The following PIGS variants were observed in gnomAD, a reference collection of about 807,000 sequenced individuals.
The protein encoded by PIGS is GPI-anchor transamidase component PIGS.
A neutral mutation model predicts 58.2 loss-of-function variants in PIGS; 37 were observed. That is an observed-to-expected ratio of 0.64 (90% CI 0.49 to 0.84). The LOEUF (loss-of-function observed/expected upper bound fraction) is 0.84. PIGS is among the 40% of genes least tolerant of loss of function. PIGS has a pLI of 0.00. For synonymous variants in PIGS, 269 were observed against 289.2 expected (o/e 0.93, Z 0.71); for missense variants, 629 against 710.8 (o/e 0.88, Z 1.31).
rs1337184748 is a variant in PIGS, at chr17:28,563,539, G to C, written c.377-17C>G. ...CTTCTGCCTCTGGGGGCAAGAACAG[G>C]TGGTACACCAAGAGCAAAACACCAT... On this transcript the variant is annotated splice_polypyrimidine_tract_variant and intron_variant, in intron 4 of 11. Transcript: ENST00000308360. 1 of 1,609,376 alleles carries C rather than the reference G, an allele frequency of 6.2e-7. No individual in the cohort carries two copies. Among genetic ancestry groups the C allele is most frequent in the African/African-American group, 1.3e-5 (1 of 74,772 alleles).
chr17:28,559,931 C>T (rs1448732994), intron 7 of PIGS, 118 bp downstream of exon 7: 6 of 1,333,016 alleles, frequency 4.5e-6, no homozygotes, highest in East Asian at 2.4e-5. Context: ...CACTCACATA[C>T]ATATACACAC....
rs1160132960 is a variant in PIGS, at chr17:28,571,443, C to G, written c.34+20G>C. 1 of 1,609,462 alleles carries G rather than the reference C, an allele frequency of 6.2e-7. No individual in the cohort carries two copies. Among genetic ancestry groups the G allele is most frequent in the Non-Finnish European group, 8.5e-7 (1 of 1,178,154 alleles). On this transcript the variant is annotated intron_variant, in intron 1 of 11. Transcript: ENST00000308360. ...TTGCCATCAGCTAGCTGCAGGCCCC[C>G]CACCCGAAGCCCACCGCACCTAGGT...
intron 8 of PIGS, 34 bp from the exon 9 acceptor site, chr17:28,557,006 A>G: frequency 2.5e-6 from 4 of 1,612,900 alleles, no homozygotes; most frequent in Non-Finnish European, 3.4e-6. Flanking sequence ...ATATCAAAAC[A>G]TGCTGGACCT....
intron 3 of PIGS, 142 bp downstream of exon 3, chr17:28,570,709 TC>T: frequency 2.6e-6 from 2 of 762,436 alleles, no homozygotes; most frequent in Non-Finnish European, 4.3e-6. Context: ...GTAGTTTTTT[TC>T]TGACCAAACA....
chr17:28,556,003 TCCTTCTTA>T, intron 10 of PIGS, 155 bp downstream of exon 10: 1 of 627,366 alleles, frequency 1.6e-6, no homozygotes, highest in Non-Finnish European at 2.8e-6. Context: ...CACCTACTAG[TCCTTCTTA>T]GAAGGATGAT....
intron 10 of PIGS, 105 bp from the exon 11 acceptor site, chr17:28,555,166 AC>A: frequency 8.6e-7 from 1 of 1,164,224 alleles, no homozygotes; most frequent in Non-Finnish European, 1.2e-6. Flanking sequence ...TTTCAATCTT[AC>A]CCAGAACCAT....
At chr17:28,563,327 G>T in intron 5 of PIGS, 104 bp downstream of exon 5, 4 of 1,039,202 alleles carry the variant, frequency 3.8e-6, no homozygotes, top group Non-Finnish European at 4.4e-6. Flanking sequence ...AGAGTTTTCT[G>T]TAGCAAATGG....
In PIGS at chr17:28,554,383, A is replaced by G. The variant is rs747670359; in HGVS notation, c.1505T>C (p.Phe502Ser). The change falls in exon 12 of 12, where the codon TTC (phenylalanine) becomes TCC (serine). Residue 502 changes from phenylalanine to serine, a missense_variant. Coordinates refer to ENST00000308360, the MANE Select transcript of PIGS (RefSeq NM_033198.4). Reference sequence around the variant, plus strand: ...GAGGTGGAGGAGTGACGGGTCAAAGAAGGCAAGCTCAGAGGATGTCACAGC... The same window carrying G: ...GAGGTGGAGGAGTGACGGGTCAAAGGAGGCAAGCTCAGAGGATGTCACAGC... ...QEAVTSSELA[F>S]FDPSLLHLLY... 1 of 1,614,208 alleles carries G rather than the reference A, an allele frequency of 6.2e-7. No individual in the cohort carries two copies. Among genetic ancestry groups the G allele is most frequent in the Non-Finnish European group, 8.5e-7 (1 of 1,180,038 alleles).
intron 5 of PIGS, among the ~76,000 whole-genome samples, chr17:28,562,397 C>T (rs1423254697): frequency 6.6e-6 from 1 of 152,132 alleles, no homozygotes; most frequent in African/African-American, 2.4e-5. Flanking sequence ...CGTTCATTAA[C>T]ATTTTCTTTA....
chr17:28,556,773 C>T, intron 9 of PIGS, 54 bp downstream of exon 9: 1 of 1,574,930 alleles, frequency 6.3e-7, no homozygotes, highest in Non-Finnish European at 8.6e-7. Flanking sequence ...GTTTCAGGGA[C>T]ACCTGCCTGT....
chr17:28,559,977 T>C, intron 7 of PIGS, 72 bp downstream of exon 7: 1 of 1,506,506 alleles, frequency 6.6e-7, no homozygotes, highest in Non-Finnish European at 8.9e-7. Flanking sequence ...CTCTAAGAGA[T>C]GGAGGAACAG....
chr17:28,555,708 C>T (rs377358446), intron 10 of PIGS: 6 of 171,712 alleles, frequency 3.5e-5, no homozygotes, highest in East Asian at 3.5e-4. Flanking sequence ...CAGTGGCTCA[C>T]GCCTGTAATC....
At chr17:28,569,016 G>A (rs1435914231) in intron 3 of PIGS, among the ~76,000 whole-genome samples, 1 of 150,064 alleles carries the variant, frequency 6.7e-6, no homozygotes, top group Admixed American at 6.7e-5. Context: ...AGAATCGTTT[G>A]AACCCAGGAG....
rs759367119 is a variant in PIGS at position 28,571,507 on chromosome 17, G to A, written c.-11C>T. The A allele has an allele frequency of 2.8e-5, 45 of 1,601,670 alleles. No individual in the cohort carries two copies. In the Admixed American group the frequency reaches 3.6e-4, roughly 13 times the overall value. On this transcript the variant is annotated 5_prime_UTR_variant, in exon 1 of 12. Coordinates refer to ENST00000308360, the MANE Select transcript of PIGS (RefSeq NM_033198.4). ...CCCGGCGGCCGCCATGCTAGCTTCC[G>A]GCTGCTCCGGCCACCGTGGGGGCAG... is the stretch of plus-strand genomic sequence containing the variant.
chr17:28,554,506 G>A lies in PIGS; in HGVS notation c.1393-11C>T. On this transcript the variant is annotated splice_polypyrimidine_tract_variant and intron_variant, in intron 11 of 11. Coordinates refer to ENST00000308360, the MANE Select transcript of PIGS (RefSeq NM_033198.4). ...TACAGCCTTGTACACCTAGGAAGGA[G>A]AAGGGACAAGAGGGTATACCAGTAA... The A allele has an allele frequency of 6.2e-7, 1 of 1,612,852 alleles. No homozygotes were observed. Among genetic ancestry groups the A allele is most frequent in the Admixed American group, 1.7e-5 (1 of 59,986 alleles).
intron 6 of PIGS, 76 bp from the exon 7 acceptor site, chr17:28,560,267 G>A: frequency 6.6e-7 from 1 of 1,504,192 alleles, no homozygotes; most frequent in Admixed American, 2.1e-5. Context: ...TCCCAGCTGA[G>A]CTGAACTTGT....
intron 6 of PIGS, among the ~76,000 whole-genome samples, chr17:28,560,834 T>C (rs532193756): frequency 9.9e-5 from 15 of 152,016 alleles, no homozygotes; most frequent in Non-Finnish European, 1.8e-4. Context: ...GGCATGCACC[T>C]GTAATCCTAC....
At chr17:28,559,197 G>A (rs2070348127) in intron 7 of PIGS, among the ~76,000 whole-genome samples, 1 of 151,688 alleles carries the variant, frequency 6.6e-6, no homozygotes, top group African/African-American at 2.4e-5. Flanking sequence ...GGATGGTCTT[G>A]ATCTCCTAAC....
At chr17:28,561,903 G>C in intron 5 of PIGS, 1 of 351,794 alleles carries the variant, frequency 2.8e-6, no homozygotes, top group Non-Finnish European at 5.2e-6. Context: ...TGGAAACTCA[G>C]AGATGGCATG....
Sources: gnomAD v4.1 joint callset for allele counts (sites outside exome capture counted in the v4.1 genomes callset) on GRCh38, gnomAD v4.1.1 for gene constraint, MANE v1.5 for transcripts, NCBI Gene and HGNC (gene_info 2026-07-23, HGNC 2026-07-21) for gene names.